Variants in MYLK3 observed in about 807,000 individuals in gnomAD.
MYLK3 encodes the protein myosin light chain kinase 3, also known as MLC kinase.
Under a neutral mutation model 76.3 loss-of-function variants are expected in MYLK3, and 55 were observed. That is an observed-to-expected ratio of 0.72 (90% CI 0.58 to 0.90). The LOEUF (loss-of-function observed/expected upper bound fraction) is 0.90. Among genes scored for constraint, MYLK3 ranks in the 40% least tolerant of loss-of-function variants. The pLI is 0.00. For synonymous variants in MYLK3, 416 were observed against 425.4 expected (o/e 0.98, Z 0.27); for missense variants, 973 against 1,053.6 (o/e 0.92, Z 1.06).
At chr16:46,751,730 C>A (rs1385762596), upstream of MYLK3, among the ~76,000 whole-genome samples, 2 of 152,238 alleles carry the variant, frequency 1.3e-5, no homozygotes, top group Non-Finnish European at 2.9e-5. Flanking sequence ...CTCCAGGGAG[C>A]TCCGGGGCCC....
chr16:46,727,996 A>T (rs552520742), intron 7 of MYLK3, among the ~76,000 whole-genome samples: 4 of 152,240 alleles, frequency 2.6e-5, no homozygotes, highest in Non-Finnish European at 5.9e-5. Context: ...TCACCTATGG[A>T]GGCCAACTCA....
intron 8 of MYLK3, among the ~76,000 whole-genome samples, chr16:46,722,703 C>T (rs1966811169): frequency 6.6e-6 from 1 of 150,908 alleles, no homozygotes; most frequent in Non-Finnish European, 1.5e-5. Flanking sequence ...TACCATAAAA[C>T]TCACCTTTTT....
intron 9 of MYLK3, among the ~76,000 whole-genome samples, chr16:46,713,609 T>A (rs1467185277): frequency 6.6e-6 from 1 of 152,248 alleles, no homozygotes; most frequent in Non-Finnish European, 1.5e-5. Flanking sequence ...ACTTAAAATC[T>A]ATTCTCTTGG....
intron 3 of MYLK3, 36 bp downstream of exon 3, chr16:46,737,675 C>T: frequency 6.4e-7 from 1 of 1,559,564 alleles, no homozygotes; most frequent in Non-Finnish European, 8.7e-7. Flanking sequence ...CACAGTCCAT[C>T]CCCTCCCTCA....
At chr16:46,756,912 T>C (rs1225194285) in intron 1 of MYLK3, among the ~76,000 whole-genome samples, 1 of 152,208 alleles carries the variant, frequency 6.6e-6, no homozygotes, top group Non-Finnish European at 1.5e-5. Flanking sequence ...TCTCCCCGTC[T>C]GACCGCAGAC....
chr16:46,721,902 A>G (rs111830353), intron 8 of MYLK3, among the ~76,000 whole-genome samples: 65 of 152,274 alleles, frequency 4.3e-4, no homozygotes, highest in African/African-American at 1.4e-3. Flanking sequence ...GAAGAAAAAG[A>G]AAAAGTCCCA....
At chr16:46,756,375 A>C (rs1197127563) in intron 1 of MYLK3, among the ~76,000 whole-genome samples, 1 of 152,208 alleles carries the variant, frequency 6.6e-6, no homozygotes, top group Non-Finnish European at 1.5e-5. Context: ...CTAAGTCCTC[A>C]TTTATCTTAC....
chr16:46,740,180 A>G, intron 1 of MYLK3, 33 bp from the exon 2 acceptor site: 1 of 1,564,502 alleles, frequency 6.4e-7, no homozygotes, highest in Non-Finnish European at 8.8e-7. Context: ...TGTCATCATT[A>G]TCATCAACAT....
intron 7 of MYLK3, among the ~76,000 whole-genome samples, chr16:46,728,050 T>G (rs928061322): frequency 6.6e-6 from 1 of 152,234 alleles, no homozygotes; most frequent in Non-Finnish European, 1.5e-5. Flanking sequence ...AGGCCATACA[T>G]GAAGCAAACA....
At chr16:46,747,514 C>G (rs1035671612) in intron 1 of MYLK3, among the ~76,000 whole-genome samples, 1 of 152,196 alleles carries the variant, frequency 6.6e-6, no homozygotes, top group Non-Finnish European at 1.5e-5. Context: ...CCGCTTCTTC[C>G]CTTCCCTGGG....
At chr16:46,719,915 C>T (rs761800523) in intron 9 of MYLK3, among the ~76,000 whole-genome samples, 5 of 152,204 alleles carry the variant, frequency 3.3e-5, no homozygotes, top group South Asian at 4.1e-4. Flanking sequence ...TGGTGGCTCA[C>T]GCCTGTAATC....
upstream of MYLK3, among the ~76,000 whole-genome samples, chr16:46,749,600 T>C (rs1388134955): frequency 1.3e-5 from 2 of 152,106 alleles, no homozygotes; most frequent in Non-Finnish European, 2.9e-5. Flanking sequence ...CTACAAAAAA[T>C]AAGCCAGGCG....
Position 46,729,009 on chromosome 16 carries a change from G to A in MYLK3, c.1772+15C>T, listed in dbSNP as rs376036303. ...TGGCTTGAGCCGAGGCGGCCGCCCC[G>A]CCTCTGATACTCACTACTCCATGAC... On this transcript the variant is annotated intron_variant, in intron 7 of 12. Transcript: ENST00000394809. 4.7e-5 allele frequency: 76 copies of A among 1,603,878 alleles called. No individual in the cohort carries two copies. The highest frequency in any genetic ancestry group is 1.9e-4 in the South Asian group (17 of 90,906).
rs1157373453 is a variant in MYLK3, at chr16:46,705,046, T to G, written c.*2658A>C. The G allele has an allele frequency of 6.6e-6, 1 of 152,238 alleles. No individual in the cohort carries two copies. 9.4% of individuals were successfully genotyped at this position (152,238 alleles called of 1,614,324 possible). On this transcript the variant is annotated 3_prime_UTR_variant, in exon 13 of 13. Transcript: ENST00000394809. ...CTAGACTTGCTGGTATTGAAACTGTTAGTTCCCAACAAGGGTTAGCCTTCC... is the reference window on the plus strand; with the variant it reads ...CTAGACTTGCTGGTATTGAAACTGTGAGTTCCCAACAAGGGTTAGCCTTCC...
intron 3 of MYLK3, 41 bp from the exon 4 acceptor site, chr16:46,732,709 G>C (rs1235356757): frequency 1.4e-6 from 2 of 1,421,920 alleles, no homozygotes; most frequent in African/African-American, 2.9e-5. Context: ...TAGAGGCAAG[G>C]ACTCTGGAGT....
At chr16:46,749,408 T>A (rs1056991819), upstream of MYLK3, among the ~76,000 whole-genome samples, 2 of 152,230 alleles carry the variant, frequency 1.3e-5, no homozygotes, top group Non-Finnish European at 2.9e-5. Context: ...AGTGTCCCCC[T>A]CAAGCTTCCC....
In MYLK3 at chr16:46,738,187, G is replaced by C. The variant is rs114914483; in HGVS notation, c.569-44C>G. 1.7e-3 allele frequency: 2,422 copies of C among 1,433,758 alleles called. 41 individuals carry two copies. The African/African-American group carries it at 0.031, about 18-fold the overall frequency. The allele number at this position is 1,433,758 out of a possible 1,614,324, so 88.8% of individuals were successfully genotyped here. On this transcript the variant is annotated intron_variant, in intron 2 of 12. Transcript: ENST00000394809. ...GACAAAAATGCACTCCCATGTGGAG[G>C]AGTCTGCCACAAAGATACTGCAAGG...
At chr16:46,737,400 C>A (rs1966873493) in intron 3 of MYLK3, among the ~76,000 whole-genome samples, 1 of 152,166 alleles carries the variant, frequency 6.6e-6, no homozygotes, top group Non-Finnish European at 1.5e-5. Context: ...GATTCTCAAC[C>A]CTGTTCCCCA....
At chr16:46,722,486 C>T (rs1446181395) in intron 8 of MYLK3, among the ~76,000 whole-genome samples, 1 of 152,144 alleles carries the variant, frequency 6.6e-6, no homozygotes, top group African/African-American at 2.4e-5. Context: ...TGGGGTTGTA[C>T]AATTCCTCAG....
Sources: allele counts gnomAD v4.1 joint callset (sites outside exome capture counted in the v4.1 genomes callset), GRCh38; gene constraint gnomAD v4.1.1; transcripts MANE v1.5; gene names NCBI Gene and HGNC (gene_info 2026-07-23, HGNC 2026-07-21).